CLPB: variants seen among roughly 807,000 people sequenced by gnomAD.
The protein encoded by CLPB is mitochondrial disaggregase.
CLPB carries 40 observed loss-of-function variants against 78.4 expected under a neutral mutation model. The ratio of observed to expected loss-of-function variants is 0.51; its 90% CI spans 0.40 to 0.66. CLPB has a LOEUF of 0.66. CLPB is among the 30% of genes least tolerant of loss of function. The pLI, the probability that CLPB is intolerant of heterozygous loss-of-function variation, is 0.00. For missense variants in CLPB, 780 were observed against 886.9 expected (o/e 0.88, Z 1.53); for synonymous variants, 333 against 348.0 (o/e 0.96, Z 0.48).
intron 2 of CLPB, among the ~76,000 whole-genome samples, chr11:72,404,561 G>T (rs1314595202): frequency 6.6e-6 from 1 of 152,218 alleles, no homozygotes; most frequent in African/African-American, 2.4e-5. Context: ...CACATCTCAT[G>T]AGTGATATGA....
intron 2 of CLPB, among the ~76,000 whole-genome samples, chr11:72,415,869 A>C (rs1856007667): frequency 6.6e-6 from 1 of 152,216 alleles, no homozygotes; most frequent in Non-Finnish European, 1.5e-5. Context: ...GTCATGCCAC[A>C]CTGGAATTCA....
chr11:72,357,898 C>G (rs745450133), intron 5 of CLPB, among the ~76,000 whole-genome samples: 30 of 152,002 alleles, frequency 2.0e-4, no homozygotes, highest in Non-Finnish European at 3.4e-4. Context: ...ATGATCCCAA[C>G]AAGGAAGACC....
At chr11:72,433,589 AAATT>A (rs1490946951) in intron 1 of CLPB, among the ~76,000 whole-genome samples, 15 of 143,498 alleles carry the variant, frequency 1.0e-4, no homozygotes, top group African/African-American at 3.8e-4. Flanking sequence ...ATAAATAAAT[AAATT>A]GAGGTCAAGC....
intron 5 of CLPB, 24 bp downstream of exon 5, chr11:72,358,855 AC>A: frequency 1.7e-6 from 1 of 605,170 alleles, no homozygotes; most frequent in Non-Finnish European, 2.1e-6. Flanking sequence ...CCCCCACCCC[AC>A]CCCTCCTCCA....
chr11:72,390,577 C>A (rs1379448494), intron 3 of CLPB, among the ~76,000 whole-genome samples: 1 of 151,860 alleles, frequency 6.6e-6, no homozygotes, highest in Non-Finnish European at 1.5e-5. Context: ...TAAAGAAAAT[C>A]TTCAAGTTCA....
intron 2 of CLPB, among the ~76,000 whole-genome samples, chr11:72,407,747 C>A (rs369029019): frequency 1.2e-3 from 177 of 151,898 alleles, no homozygotes; most frequent in South Asian, 0.011. Flanking sequence ...CCCGAGTTCA[C>A]GCCATTCTCC....
intron 3 of CLPB, among the ~76,000 whole-genome samples, chr11:72,391,219 G>A (rs896447622): frequency 6.6e-6 from 1 of 152,052 alleles, no homozygotes; most frequent in Non-Finnish European, 1.5e-5. Flanking sequence ...AGTACACCAA[G>A]GGCCATCAAA....
rs1463440585 is a variant in CLPB, at chr11:72,288,226, G to A, written c.*5141C>T. ...TTTGGGGCCGGGTACAGTCGTTGAC[G>A]CTTGTAATCTCAGCACTCTGGGAGG... is the stretch of plus-strand genomic sequence containing the variant. On this transcript the variant is annotated 3_prime_UTR_variant, in exon 16 of 16. Coordinates refer to ENST00000538039, the MANE Select transcript of CLPB (RefSeq NM_001258392.3). 3 of 152,262 alleles carry A rather than the reference G, an allele frequency of 2.0e-5. No homozygotes were observed. The highest frequency in any genetic ancestry group is 2.1e-4 in the South Asian group (1 of 4,826). The allele number at this position is 152,262 out of a possible 1,614,324, so 9.4% of individuals were successfully genotyped here. A position where few individuals can be genotyped will look rare whatever the true frequency, so the allele number is the denominator to read the frequency against.
At chr11:72,389,928 C>G (rs1855195857) in intron 3 of CLPB, among the ~76,000 whole-genome samples, 1 of 152,084 alleles carries the variant, frequency 6.6e-6, no homozygotes, top group Non-Finnish European at 1.5e-5. Flanking sequence ...TTCTCTCAAC[C>G]AGCTCAAGAT....
rs545377083 is a variant in CLPB at position 72,389,386 on chromosome 11, T to A, written c.543-9002A>T. On this transcript the variant is annotated intron_variant, in intron 3 of 15. Transcript: ENST00000538039. The stretch of plus-strand genomic sequence containing the variant: ...AGGACAATAGGACAGTAGCAACTTC[T>A]CCTTTGTTCTGATGCTGGCATACTG... Among the ~76,000 whole-genome samples, 64 of 152,298 alleles carry A rather than the reference T, an allele frequency of 4.2e-4. No homozygotes were observed. The South Asian group carries it at 8.1e-3, about 19-fold the overall frequency.
At chr11:72,333,697 G>C (rs1252239760) in intron 5 of CLPB, among the ~76,000 whole-genome samples, 1 of 152,138 alleles carries the variant, frequency 6.6e-6, no homozygotes, top group Non-Finnish European at 1.5e-5. Context: ...AGGCGGCACT[G>C]GGGGGCTCAG....
chr11:72,368,177 G>A (rs556919459), intron 4 of CLPB, among the ~76,000 whole-genome samples: 3 of 152,278 alleles, frequency 2.0e-5, no homozygotes, highest in African/African-American at 7.2e-5. Context: ...AGTCACAGGT[G>A]AGTCCTGAAG....
intron 4 of CLPB, among the ~76,000 whole-genome samples, chr11:72,375,081 A>C (rs1357874725): frequency 6.6e-6 from 1 of 152,164 alleles, no homozygotes; most frequent in Non-Finnish European, 1.5e-5. Context: ...GCTAATATCT[A>C]TTTACTCTAT....
At chr11:72,359,727 C>T (rs1950797125) in intron 4 of CLPB, among the ~76,000 whole-genome samples, 1 of 152,042 alleles carries the variant, frequency 6.6e-6, no homozygotes, top group African/African-American at 2.4e-5. Flanking sequence ...GTGTGTATCC[C>T]CTATAAAATT....
In CLPB at chr11:72,373,854, G is replaced by A. The variant is rs147354733; in HGVS notation, c.646+6427C>T. ...TGGCGCCAGTAATCCCAGCTACTTGGGAGGCTGAGGCAGGAGAATCGCCTG... is the reference window on the plus strand; with the variant it reads ...TGGCGCCAGTAATCCCAGCTACTTGAGAGGCTGAGGCAGGAGAATCGCCTG... On this transcript the variant is annotated intron_variant, in intron 4 of 15. Transcript: ENST00000538039. 7.2e-4 allele frequency among the ~76,000 whole-genome samples: 110 copies of A among 151,876 alleles called. 1 individual carries two copies. Among genetic ancestry groups the A allele is most frequent in the Middle Eastern group, 6.8e-3 (2 of 292 alleles).
At chr11:72,384,102 T>A (rs1855005280) in intron 3 of CLPB, among the ~76,000 whole-genome samples, 1 of 152,098 alleles carries the variant, frequency 6.6e-6, no homozygotes, top group African/African-American at 2.4e-5. Context: ...TGTAGTGAGC[T>A]GAGATCAACC....
intron 7 of CLPB, among the ~76,000 whole-genome samples, chr11:72,309,380 A>G (rs1949803392): frequency 6.6e-6 from 1 of 152,230 alleles, no homozygotes; most frequent in Non-Finnish European, 1.5e-5. Flanking sequence ...GTGCTTAATT[A>G]TGGAGTAGGA....
Position 72,424,255 on chromosome 11 carries a change from T to C in CLPB, c.455+6057A>G, listed in dbSNP as rs995039424. ...TATCGGGCCCAGAGAGACCTGAGTA[T>C]AGGCGCTCAGCCATAACCCCACACC... On this transcript the variant is annotated intron_variant, in intron 2 of 15. Transcript: ENST00000538039. 3.3e-5 allele frequency among the ~76,000 whole-genome samples: 5 copies of C among 152,240 alleles called. 1 individual carries two copies. The highest frequency in any genetic ancestry group is 2.0e-4 in the Admixed American group (3 of 15,288).
At chr11:72,350,045 T>G (rs2135587951) in intron 5 of CLPB, among the ~76,000 whole-genome samples, 1 of 152,360 alleles carries the variant, frequency 6.6e-6, no homozygotes, top group Middle Eastern at 3.4e-3. Context: ...TGGGCTCTGG[T>G]GACCAGGCTC....
Sources: gnomAD v4.1 joint callset for allele counts (sites outside exome capture counted in the v4.1 genomes callset) on GRCh38, gnomAD v4.1.1 for gene constraint, MANE v1.5 for transcripts, NCBI Gene and HGNC (gene_info 2026-07-23, HGNC 2026-07-21) for gene names.